The following SLC17A6 variants were observed in gnomAD, a reference collection of about 807,000 sequenced individuals.
SLC17A6 encodes vesicular glutamate transporter 2.
SLC17A6 carries 35 observed loss-of-function variants against 67.1 expected under a neutral mutation model. The observed-to-expected ratio is 0.52, with a 90% CI of 0.40 to 0.69. The LOEUF (loss-of-function observed/expected upper bound fraction) is 0.69. SLC17A6 is among the 30% of genes least tolerant of loss of function. The pLI, the probability that SLC17A6 is intolerant of heterozygous loss-of-function variation, is 0.00. For synonymous variants in SLC17A6, 285 were observed against 252.3 expected (o/e 1.13, Z -1.23); for missense variants, 588 against 723.9 (o/e 0.81, Z 2.15).
intron 10 of SLC17A6, among the ~76,000 whole-genome samples, 183 bp from the exon 11 acceptor site, chr11:22,376,362 T>A (rs1049483054): frequency 2.0e-5 from 3 of 152,168 alleles, no homozygotes; most frequent in Middle Eastern, 3.2e-3. Flanking sequence ...ACATATTAAG[T>A]ATTAGATAAG....
chr11:22,343,244 T>G lies in SLC17A6; in HGVS notation c.340-3T>G. On this transcript the variant is annotated splice_polypyrimidine_tract_variant and splice_region_variant and intron_variant, in intron 2 of 11. Coordinates refer to ENST00000263160, the MANE Select transcript of SLC17A6 (RefSeq NM_020346.3). Reference sequence around the variant, plus strand: ...TTCACACTTTTTTCCTACCCCTCCATAGAAAGCCAAATTCAACTGGGACCC... The same window carrying G: ...TTCACACTTTTTTCCTACCCCTCCAGAGAAAGCCAAATTCAACTGGGACCC... 2 of 1,613,230 alleles carry G rather than the reference T, an allele frequency of 1.2e-6. No individual in the cohort carries two copies. The highest frequency in any genetic ancestry group is 1.7e-6 in the Non-Finnish European group (2 of 1,179,446).
rs1564976377 is a variant in SLC17A6, at chr11:22,339,131, TATATATATA to T, written c.86+513_86+521del. On this transcript the variant is annotated intron_variant, in intron 1 of 11. Transcript: ENST00000263160. The stretch of plus-strand genomic sequence containing the variant: ...ATATATATATGTTATATATATATGT[TATATATATA>T]TGTTATATATAGTTATATATATATG... Among the ~76,000 whole-genome samples, 78 of 24,290 alleles carry T rather than the reference TATATATATA, an allele frequency of 3.2e-3. 2 individuals carry two copies. The highest frequency in any genetic ancestry group is 6.8e-3 in the African/African-American group (69 of 10,210). 15.9% of individuals were successfully genotyped at this position (24,290 alleles called of 152,430 possible). A position where few individuals can be genotyped will look rare whatever the true frequency, so the allele number is the denominator to read the frequency against.
intron 6 of SLC17A6, among the ~76,000 whole-genome samples, chr11:22,363,261 G>C (rs1856072880): frequency 6.6e-6 from 1 of 151,984 alleles, no homozygotes; most frequent in Non-Finnish European, 1.5e-5. Context: ...AGGGGGTGGT[G>C]GTGCTAAAGT....
intron 7 of SLC17A6, among the ~76,000 whole-genome samples, chr11:22,366,770 C>T (rs1401072753): frequency 6.6e-6 from 1 of 151,880 alleles, no homozygotes; most frequent in Admixed American, 6.6e-5. Context: ...TTTGGGAGGC[C>T]GAGGCGGGTG....
chr11:22,368,553 G>A (rs780264439), intron 7 of SLC17A6, among the ~76,000 whole-genome samples: 8 of 151,924 alleles, frequency 5.3e-5, no homozygotes, highest in Non-Finnish European at 8.8e-5. Flanking sequence ...TATTGCTTTT[G>A]ATGAAGTACT....
chr11:22,377,041 A>C (rs1214717994), intron 11 of SLC17A6, among the ~76,000 whole-genome samples: 1 of 152,118 alleles, frequency 6.6e-6, no homozygotes, highest in Non-Finnish European at 1.5e-5. Context: ...ATCATCAGCT[A>C]TTTGTACTTA....
chr11:22,360,593 A>G (rs564163328), intron 4 of SLC17A6, among the ~76,000 whole-genome samples: 1 of 148,716 alleles, frequency 6.7e-6, no homozygotes, highest in South Asian at 2.3e-4. Flanking sequence ...AAAGGTCTTA[A>G]ATTTTAGACA....
chr11:22,343,040 A>G, intron 2 of SLC17A6: 3 of 620,216 alleles, frequency 4.8e-6, no homozygotes, highest in Non-Finnish European at 8.7e-6. Flanking sequence ...TGGCCTCACT[A>G]TTAATCACAA....
intron 1 of SLC17A6, among the ~76,000 whole-genome samples, chr11:22,339,357 G>A (rs1725778745): frequency 1.3e-5 from 2 of 151,534 alleles, no homozygotes; most frequent in East Asian, 1.9e-4. Flanking sequence ...CTGAAACAAT[G>A]TATATGCATT....
intron 9 of SLC17A6, among the ~76,000 whole-genome samples, chr11:22,375,606 A>G (rs1856224585): frequency 6.6e-6 from 1 of 151,586 alleles, no homozygotes; most frequent in South Asian, 2.1e-4. Context: ...TCAGCCTCCC[A>G]AGTAGCTGGG....
At chr11:22,343,482 C>A in intron 3 of SLC17A6, 117 bp downstream of exon 3, 1 of 747,114 alleles carries the variant, frequency 1.3e-6, no homozygotes, top group Non-Finnish European at 2.2e-6. Flanking sequence ...CGGGCGAAGT[C>A]TTCTAGTCCC....
chr11:22,369,715 AT>A (rs1296213717), intron 7 of SLC17A6, among the ~76,000 whole-genome samples: 2 of 151,888 alleles, frequency 1.3e-5, no homozygotes, highest in Admixed American at 6.6e-5. Flanking sequence ...CATTAAAAAA[AT>A]AAAACAAATG....
At chr11:22,340,883 C>G (rs985351519) in intron 1 of SLC17A6, among the ~76,000 whole-genome samples, 20 of 152,214 alleles carry the variant, frequency 1.3e-4, no homozygotes, top group Non-Finnish European at 1.9e-4. Context: ...CTTCTCCTCA[C>G]GCACAGGCAC....
chr11:22,338,447 A>T lies in SLC17A6; in HGVS notation c.-87A>T. The stretch of plus-strand genomic sequence containing the variant: ...AGAAGGAAAAGCCCGCAACTACTTT[A>T]AGAGATTAAGACAATATGCGCAATC... On this transcript the variant is annotated 5_prime_UTR_variant, in exon 1 of 12. Transcript: ENST00000263160. The T allele has an allele frequency of 1.0e-6, 1 of 953,640 alleles. No individual in the cohort carries two copies. Among genetic ancestry groups the T allele is most frequent in the Non-Finnish European group, 1.7e-6 (1 of 604,020 alleles). 59.1% of individuals were successfully genotyped at this position (953,640 alleles called of 1,614,324 possible). A position where few individuals can be genotyped will look rare whatever the true frequency, so the allele number is the denominator to read the frequency against.
rs542978501 is a variant in SLC17A6 at position 22,374,477 on chromosome 11, A to G, written c.1042-278A>G. Among the ~76,000 whole-genome samples, 9 of 152,194 alleles carry G rather than the reference A, an allele frequency of 5.9e-5. No individual in the cohort carries two copies. In the South Asian group the frequency reaches 1.9e-3, roughly 32 times the overall value. ...TGTATTCGTGCAAACACATTTAACA[A>G]TATCAGAAGAGTTGATTCATACTCA... On this transcript the variant is annotated intron_variant, in intron 8 of 11. Transcript: ENST00000263160.
Position 22,343,307 on chromosome 11 carries a change from G to C in SLC17A6, c.400G>C (p.Gly134Arg). The C allele has an allele frequency of 6.2e-7, 1 of 1,612,742 alleles. No homozygotes were observed. The highest frequency in any genetic ancestry group is 8.5e-7 in the Non-Finnish European group (1 of 1,179,752). ...VGMIHGSFFWGYIITQIPGGY... is the reference protein window; with the variant it reads ...VGMIHGSFFWRYIITQIPGGY... ...GATGATCCACGGTTCCTTCTTTTGG[G>C]GCTACATCATCACTCAGATTCCGGG... The change falls in exon 3 of 12, where the codon GGC becomes CGC. Residue 134 changes from glycine (G) to arginine (R), a missense_variant. By Grantham distance (125) the Gly-to-Arg change is moderately radical (BLOSUM62 -2). This residue lies in a region of SLC17A6 where 414 missense variants were observed against 563.4 expected (regional missense o/e 0.73). Transcript: ENST00000263160.
chr11:22,353,380 C>T lies in SLC17A6; in HGVS notation c.459-6033C>T, dbSNP rs115832170. On this transcript the variant is annotated intron_variant, in intron 3 of 11. Transcript: ENST00000263160. ...AACAAAACAAAACAAAACAAAACCT[C>T]TCATTCTTAACTAATACTATATCAT... is the stretch of plus-strand genomic sequence containing the variant. Among the ~76,000 whole-genome samples the T allele has an allele frequency of 1.2e-3, 183 of 151,466 alleles. 1 individual carries two copies. Among genetic ancestry groups the T allele is most frequent in the African/African-American group, 4.2e-3 (171 of 40,892 alleles).
intron 5 of SLC17A6, 133 bp downstream of exon 5, chr11:22,361,117 T>G: frequency 1.7e-6 from 1 of 596,546 alleles, no homozygotes. Flanking sequence ...GGTAAGGTTT[T>G]TGACCACCAT....
At chr11:22,354,363 C>T (rs898043899) in intron 3 of SLC17A6, among the ~76,000 whole-genome samples, 5 of 152,138 alleles carry the variant, frequency 3.3e-5, no homozygotes, top group East Asian at 1.9e-4. Flanking sequence ...GGATTACAGG[C>T]GTGAGCCACC....
Sources: allele counts gnomAD v4.1 joint callset (sites outside exome capture counted in the v4.1 genomes callset), GRCh38; gene constraint gnomAD v4.1.1; regional missense constraint gnomAD v4.1.1; transcripts MANE v1.5; gene names NCBI Gene and HGNC (gene_info 2026-07-23, HGNC 2026-07-21).